Variants in ENOX1 observed in about 807,000 individuals in gnomAD.
The protein encoded by ENOX1 is ecto-NOX disulfide-thiol exchanger 1.
ENOX1 carries 42 observed loss-of-function variants against 82.5 expected under a neutral mutation model. The observed-to-expected ratio is 0.51, with a 90% CI of 0.40 to 0.66. ENOX1 has a LOEUF of 0.66. Among genes scored for constraint, ENOX1 ranks in the 30% least tolerant of loss-of-function variants. The pLI, the probability that ENOX1 is intolerant of heterozygous loss-of-function variation, is 0.00. For missense variants in ENOX1, 608 were observed against 811.6 expected (o/e 0.75, Z 3.05); for synonymous variants, 271 against 282.2 (o/e 0.96, Z 0.40).
At chr13:43,785,400 T>G (rs1057487665) in intron 1 of ENOX1, among the ~76,000 whole-genome samples, 1 of 152,162 alleles carries the variant, frequency 6.6e-6, no homozygotes, top group African/African-American at 2.4e-5. Context: ...TTAAGCACGC[T>G]TCATTGCTTT....
rs549929858 is a variant in ENOX1, at chr13:43,634,269, T to C, written c.-219+33210A>G. On this transcript the variant is annotated intron_variant, in intron 2 of 16. Transcript: ENST00000690772. ...GGCTGAGGTGTATTATTTCCTATTG[T>C]TGCATATTTATTTACTCCAAACTCC... Among the ~76,000 whole-genome samples, 9 of 152,294 alleles carry C rather than the reference T, an allele frequency of 5.9e-5. No homozygotes were observed. The East Asian group carries it at 1.5e-3, about 26-fold the overall frequency.
At chr13:43,605,356 A>G (rs2081932917) in intron 2 of ENOX1, among the ~76,000 whole-genome samples, 1 of 152,208 alleles carries the variant, frequency 6.6e-6, no homozygotes, top group African/African-American at 2.4e-5. Context: ...AGCCAAAGCT[A>G]TACCAAGCAA....
Position 43,481,855 on chromosome 13 carries a change from G to A in ENOX1, c.-75+2154C>T, listed in dbSNP as rs917976356. On this transcript the variant is annotated intron_variant, in intron 3 of 16. Transcript: ENST00000690772. ...TAATTTAAAAATGGGCAAAGGACTT[G>A]AATAGACATTTCTCCCAAGAAGACA... is the stretch of plus-strand genomic sequence containing the variant. Among the ~76,000 whole-genome samples, 7 of 152,236 alleles carry A rather than the reference G, an allele frequency of 4.6e-5. No individual in the cohort carries two copies. In the East Asian group the frequency reaches 5.8e-4, roughly 13 times the overall value.
intron 2 of ENOX1, among the ~76,000 whole-genome samples, chr13:43,631,244 T>C (rs1286493688): frequency 1.3e-5 from 2 of 152,202 alleles, no homozygotes; most frequent in African/African-American, 2.4e-5. Flanking sequence ...GAATTTGGAT[T>C]ACTGAATTGC....
intron 1 of ENOX1, among the ~76,000 whole-genome samples, chr13:43,716,220 C>G (rs753805979): frequency 6.6e-6 from 1 of 152,070 alleles, no homozygotes; most frequent in African/African-American, 2.4e-5. Context: ...ATGATGGTGA[C>G]GTACAGATGG....
chr13:43,783,776 T>C (rs777560878), intron 1 of ENOX1, among the ~76,000 whole-genome samples: 3 of 152,194 alleles, frequency 2.0e-5, no homozygotes, highest in Non-Finnish European at 4.4e-5. Flanking sequence ...AAGAGGGCAA[T>C]TGAAGTTAGA....
chr13:43,642,539 G>A (rs1364276895), intron 2 of ENOX1, among the ~76,000 whole-genome samples: 1 of 152,252 alleles, frequency 6.6e-6, no homozygotes, highest in Non-Finnish European at 1.5e-5. Flanking sequence ...CTGACACTAA[G>A]GTCATTTCAA....
chr13:43,343,439 G>T (rs2049182645), intron 9 of ENOX1, among the ~76,000 whole-genome samples: 1 of 152,138 alleles, frequency 6.6e-6, no homozygotes, highest in Non-Finnish European at 1.5e-5. Context: ...AGACAGATTG[G>T]TCTTATACTG....
At chr13:43,300,563 A>T (rs2046514439) in intron 11 of ENOX1, among the ~76,000 whole-genome samples, 1 of 152,222 alleles carries the variant, frequency 6.6e-6, no homozygotes. Flanking sequence ...AATCAAAGGT[A>T]GAACACTTGG....
intron 11 of ENOX1, among the ~76,000 whole-genome samples, chr13:43,302,419 G>T (rs1411062113): frequency 1.3e-5 from 2 of 151,940 alleles, no homozygotes; most frequent in Non-Finnish European, 2.9e-5. Context: ...AGAAGCTTAA[G>T]GCCAGCACAG....
chr13:43,214,949 A>G (rs1291095870), intron 16 of ENOX1, among the ~76,000 whole-genome samples: 1 of 152,174 alleles, frequency 6.6e-6, no homozygotes, highest in Non-Finnish European at 1.5e-5. Flanking sequence ...CTGTATCTTC[A>G]TTCTCACAAG....
chr13:43,617,192 T>C lies in ENOX1; in HGVS notation c.-219+50287A>G, dbSNP rs545782212. On this transcript the variant is annotated intron_variant, in intron 2 of 16. Transcript: ENST00000690772. Reference sequence around the variant, plus strand: ...TGAGCTAGAATGTATTCCGTATGTATGGTTATCAATATAAACAATCTGCCA... The same window carrying C: ...TGAGCTAGAATGTATTCCGTATGTACGGTTATCAATATAAACAATCTGCCA... 1.1e-4 allele frequency among the ~76,000 whole-genome samples: 16 copies of C among 152,320 alleles called. No individual in the cohort carries two copies. The East Asian group carries it at 2.5e-3, about 24-fold the overall frequency.
chr13:43,551,224 G>A (rs539928849), intron 2 of ENOX1, among the ~76,000 whole-genome samples: 1 of 152,246 alleles, frequency 6.6e-6, no homozygotes, highest in Admixed American at 6.5e-5. Context: ...TCCATGGTGA[G>A]GCTTCAAAAT....
At chr13:43,312,139 T>C (rs1352707625) in intron 11 of ENOX1, among the ~76,000 whole-genome samples, 2 of 152,126 alleles carry the variant, frequency 1.3e-5, no homozygotes, top group Non-Finnish European at 2.9e-5. Context: ...TATTTGGGGG[T>C]ACCAAAATTC....
chr13:43,709,044 T>C (rs2087510115), intron 1 of ENOX1, among the ~76,000 whole-genome samples: 1 of 152,138 alleles, frequency 6.6e-6, no homozygotes, highest in African/African-American at 2.4e-5. Context: ...AAAATACACA[T>C]ATCTGACAAA....
At chr13:43,218,652 C>T (rs1438998863) in intron 16 of ENOX1, among the ~76,000 whole-genome samples, 1 of 152,100 alleles carries the variant, frequency 6.6e-6, no homozygotes, top group East Asian at 1.9e-4. Flanking sequence ...TCAGCTAATT[C>T]TAGAAGAATT....
chr13:43,488,898 T>C (rs1490745572), intron 2 of ENOX1, among the ~76,000 whole-genome samples: 1 of 152,206 alleles, frequency 6.6e-6, no homozygotes, highest in Non-Finnish European at 1.5e-5. Context: ...CTCTGTGAAA[T>C]GCAGAACTTA....
chr13:43,252,620 G>C (rs1432713133), intron 14 of ENOX1, among the ~76,000 whole-genome samples: 3 of 152,204 alleles, frequency 2.0e-5, no homozygotes, highest in Non-Finnish European at 2.9e-5. Flanking sequence ...CCTGAATTAG[G>C]AACACGTGGA....
intron 3 of ENOX1, among the ~76,000 whole-genome samples, chr13:43,427,060 G>A (rs1899696686): frequency 6.6e-6 from 1 of 152,126 alleles, no homozygotes; most frequent in Non-Finnish European, 1.5e-5. Flanking sequence ...CAATGACACA[G>A]TTCTCTTCAA....
Sources: gnomAD v4.1 joint callset for allele counts (sites outside exome capture counted in the v4.1 genomes callset) on GRCh38, gnomAD v4.1.1 for gene constraint, MANE v1.5 for transcripts, NCBI Gene and HGNC (gene_info 2026-07-23, HGNC 2026-07-21) for gene names.